ZFHX3: variants seen among roughly 807,000 people sequenced by gnomAD.
ZFHX3 encodes zinc finger homeobox 3, also known as zinc finger homeobox protein 3.
Under a neutral mutation model 279.1 loss-of-function variants are expected in ZFHX3, and 42 were observed. That is an observed-to-expected ratio of 0.15 (90% CI 0.12 to 0.19). The LOEUF is 0.19. Ranked by LOEUF, ZFHX3 falls within the 10% of genes least tolerant of loss-of-function variation. The pLI is 1.00. For missense variants in ZFHX3, 4,981 were observed against 4,754.0 expected, an observed-to-expected ratio of 1.05 and a Z score of -1.40; for synonymous variants, 2,293 against 1,957.8, an observed-to-expected ratio of 1.17 and a Z score of -4.52.
intron 2 of ZFHX3, among the ~76,000 whole-genome samples, chr16:73,611,519 G>T (rs1017392203): frequency 2.6e-5 from 4 of 151,922 alleles, no homozygotes; most frequent in African/African-American, 9.7e-5. Context: ...AATATTTTTT[G>T]AAATTAAATA....
chr16:72,976,034 G>C (rs1962332724), intron 1 of ZFHX3, among the ~76,000 whole-genome samples: 1 of 152,206 alleles, frequency 6.6e-6, no homozygotes. Flanking sequence ...GCCAGCTCAA[G>C]TCATAAAATG....
At chr16:73,190,883 G>A (rs1438852069) in intron 5 of ZFHX3, among the ~76,000 whole-genome samples, 3 of 149,910 alleles carry the variant, frequency 2.0e-5, no homozygotes, top group Non-Finnish European at 3.0e-5. Flanking sequence ...AAAGGGAGAA[G>A]GATAGAGACC....
intron 2 of ZFHX3, among the ~76,000 whole-genome samples, chr16:73,578,338 C>T (rs573037645): frequency 6.7e-6 from 1 of 148,242 alleles, no homozygotes; most frequent in Non-Finnish European, 1.5e-5. Context: ...CTTTAGAGAT[C>T]GTATATGGTC....
intron 1 of ZFHX3, among the ~76,000 whole-genome samples, chr16:73,026,192 C>CAAAAAAAAAAAA (rs60146795): frequency 1.3e-4 from 6 of 47,484 alleles, no homozygotes; most frequent in South Asian, 1.4e-3. Flanking sequence ...ACAAAAAATA[C>CAAAAAAAAAAAA]AAAAAAAAAA....
At chr16:73,589,048 C>T (rs2051960085) in intron 2 of ZFHX3, among the ~76,000 whole-genome samples, 1 of 151,572 alleles carries the variant, frequency 6.6e-6, no homozygotes, top group Non-Finnish European at 1.5e-5. Flanking sequence ...ATCATGAAGT[C>T]AGCAAATCGA....
chr16:72,961,148 G>A (rs2144466572), intron 1 of ZFHX3, among the ~76,000 whole-genome samples: 1 of 152,308 alleles, frequency 6.6e-6, no homozygotes, highest in East Asian at 1.9e-4. Flanking sequence ...GCTGGAGGGA[G>A]TGCGTTCCCC....
At chr16:73,878,855 G>A (rs2030042405) in intron 1 of ZFHX3, among the ~76,000 whole-genome samples, 3 of 151,498 alleles carry the variant, frequency 2.0e-5, no homozygotes. Context: ...AACGTCACTT[G>A]AAACAGCAGA....
At chr16:73,423,841 G>A (rs1360735445) in intron 3 of ZFHX3, among the ~76,000 whole-genome samples, 2 of 139,036 alleles carry the variant, frequency 1.4e-5, no homozygotes, top group African/African-American at 5.6e-5. Flanking sequence ...TAGCTTGTGA[G>A]ACAGGGTGAG....
chr16:73,443,168 C>G (rs959653591), intron 3 of ZFHX3, among the ~76,000 whole-genome samples: 2 of 152,156 alleles, frequency 1.3e-5, no homozygotes, highest in African/African-American at 4.8e-5. Context: ...ATGGCTGGAT[C>G]TGAAGCTTTC....
At chr16:73,520,050 T>C (rs1177657842) in intron 2 of ZFHX3, among the ~76,000 whole-genome samples, 1 of 152,218 alleles carries the variant, frequency 6.6e-6, no homozygotes, top group Non-Finnish European at 1.5e-5. Context: ...CCATTTGGGG[T>C]TGGTTTAAAT....
At chr16:73,581,993 C>A (rs1220638455) in intron 2 of ZFHX3, among the ~76,000 whole-genome samples, 1 of 151,770 alleles carries the variant, frequency 6.6e-6, no homozygotes, top group Non-Finnish European at 1.5e-5. Flanking sequence ...ATTTTCTATT[C>A]AAAATCGTGA....
chr16:73,392,702 T>TCA (rs2017043468), intron 3 of ZFHX3, among the ~76,000 whole-genome samples: 1 of 152,226 alleles, frequency 6.6e-6, no homozygotes, highest in Non-Finnish European at 1.5e-5. Context: ...TCAATTGATT[T>TCA]CACCACGAGT....
At chr16:72,967,876 C>T (rs1477413376) in intron 1 of ZFHX3, among the ~76,000 whole-genome samples, 3 of 149,964 alleles carry the variant, frequency 2.0e-5, no homozygotes, top group South Asian at 4.2e-4. Flanking sequence ...TGCAGTGAGC[C>T]GAGATCGTGC....
At chr16:73,858,286 C>G (rs1322508466) in intron 1 of ZFHX3, among the ~76,000 whole-genome samples, 2 of 152,042 alleles carry the variant, frequency 1.3e-5, no homozygotes, top group Non-Finnish European at 2.9e-5. Context: ...AAAATAGAAA[C>G]AGTTTCAGAC....
At chr16:73,377,260 C>A (rs1378099440) in intron 3 of ZFHX3, among the ~76,000 whole-genome samples, 2 of 152,134 alleles carry the variant, frequency 1.3e-5, no homozygotes, top group Non-Finnish European at 2.9e-5. Context: ...GCGTGAGACA[C>A]CATGCCTGGC....
chr16:72,864,497 G>A (rs1054463062), intron 4 of ZFHX3, among the ~76,000 whole-genome samples: 2 of 152,216 alleles, frequency 1.3e-5, no homozygotes, highest in African/African-American at 2.4e-5. Flanking sequence ...AGATGTGAAA[G>A]TATTCCCGGG....
chr16:73,173,014 T>G (rs931240830), intron 5 of ZFHX3, among the ~76,000 whole-genome samples: 3 of 121,676 alleles, frequency 2.5e-5, no homozygotes, highest in Admixed American at 8.2e-5. Context: ...TTTTGTTTTT[T>G]TTTTTTTTTT....
chr16:73,096,948 G>A (rs550847367), intron 7 of ZFHX3, among the ~76,000 whole-genome samples: 62 of 152,212 alleles, frequency 4.1e-4, no homozygotes, highest in Non-Finnish European at 7.4e-4. Context: ...AGTATGTGCT[G>A]TAAAGAAACG....
At chr16:73,323,618 T>C (rs1166301298) in intron 3 of ZFHX3, among the ~76,000 whole-genome samples, 1 of 152,114 alleles carries the variant, frequency 6.6e-6, no homozygotes, top group Non-Finnish European at 1.5e-5. Context: ...CAAAGTCGAC[T>C]GCAGAATTTG....
Sources: allele counts gnomAD v4.1 joint callset (sites outside exome capture counted in the v4.1 genomes callset), GRCh38; gene constraint gnomAD v4.1.1; transcripts MANE v1.5; gene names NCBI Gene and HGNC (gene_info 2026-07-23, HGNC 2026-07-21).